The following HMOX2 variants were observed in gnomAD, a reference collection of about 807,000 sequenced individuals.
The protein encoded by HMOX2 is heme oxygenase (decycling) 2.
In HMOX2, 30 loss-of-function variants were observed where a neutral mutation model predicts 33.7. That is an observed-to-expected ratio of 0.89 (90% CI 0.67 to 1.21). The LOEUF is 1.21. Among genes scored for constraint, HMOX2 ranks in the 50% most tolerant of loss-of-function variants. HMOX2 has a pLI of 0.00. For missense variants in HMOX2, 403 were observed against 399.1 expected, an observed-to-expected ratio of 1.01 and a Z score of -0.08; for synonymous variants, 155 against 155.0, an observed-to-expected ratio of 1.00 and a Z score of 0.00.
At chr16:4,502,364 T>C (rs2058579966) in intron 1 of HMOX2, among the ~76,000 whole-genome samples, 1 of 152,228 alleles carries the variant, frequency 6.6e-6, no homozygotes, top group African/African-American at 2.4e-5. Context: ...TTGTGCAGCA[T>C]GATAAGTAGG....
intron 1 of HMOX2, among the ~76,000 whole-genome samples, chr16:4,499,637 T>C (rs1161670302): frequency 6.6e-6 from 1 of 152,210 alleles, no homozygotes; most frequent in African/African-American, 2.4e-5. Context: ...ATAATAGTAT[T>C]GTATACTTCA....
chr16:4,506,504 C>A (rs368313344), intron 2 of HMOX2, among the ~76,000 whole-genome samples: 1 of 152,166 alleles, frequency 6.6e-6, no homozygotes, highest in African/African-American at 2.4e-5. Context: ...CCAGAAGACA[C>A]GTTCCAAGGC....
intron 1 of HMOX2, among the ~76,000 whole-genome samples, chr16:4,488,461 T>G (rs2058228154): frequency 6.6e-6 from 1 of 152,210 alleles, no homozygotes; most frequent in South Asian, 2.1e-4. Context: ...TACACAGTTT[T>G]ACAGCAAACT....
chr16:4,494,828 A>G (rs762145210), intron 1 of HMOX2, among the ~76,000 whole-genome samples: 4 of 152,002 alleles, frequency 2.6e-5, no homozygotes, highest in East Asian at 1.9e-4. Flanking sequence ...GCAGTGAGCT[A>G]TGATCACACC....
intron 1 of HMOX2, among the ~76,000 whole-genome samples, chr16:4,503,469 G>C (rs1369307945): frequency 6.6e-6 from 1 of 152,220 alleles, no homozygotes; most frequent in Non-Finnish European, 1.5e-5. Context: ...TTGCAGAGTA[G>C]AGTGTCTCTG....
chr16:4,510,112 G>T lies in HMOX2; in HGVS notation c.*356G>T. On this transcript the variant is annotated 3_prime_UTR_variant, in exon 6 of 6. Transcript: ENST00000570646. ...CTCCCCTGTTGGAGGTGAGTGGCCT[G>T]TAAGTCCAAGCTGTGCGAGGGGGCC... 3.7e-6 allele frequency: 1 copy of T among 267,556 alleles called. No homozygotes were observed. Among genetic ancestry groups the T allele is most frequent in the Non-Finnish European group, 7.2e-6 (1 of 138,630 alleles). The allele number at this position is 267,556 out of a possible 1,614,324, so 16.6% of individuals were successfully genotyped here. A position where few individuals can be genotyped will look rare whatever the true frequency, so the allele number is the denominator to read the frequency against.
At chr16:4,477,676 T>A (rs536645458) in intron 1 of HMOX2, among the ~76,000 whole-genome samples, 45 of 151,900 alleles carry the variant, frequency 3.0e-4, no homozygotes, top group African/African-American at 8.2e-4. Flanking sequence ...CCCAGCACTT[T>A]GGGAGGCCGA....
At chr16:4,484,038 G>T (rs1326992095) in intron 1 of HMOX2, among the ~76,000 whole-genome samples, 4 of 141,768 alleles carry the variant, frequency 2.8e-5, no homozygotes, top group African/African-American at 8.0e-5. Context: ...GCAGTGGTGC[G>T]ATCTCGGCTC....
intron 1 of HMOX2, among the ~76,000 whole-genome samples, chr16:4,478,531 A>C (rs1007169848): frequency 2.0e-5 from 3 of 152,026 alleles, no homozygotes; most frequent in Non-Finnish European, 2.9e-5. Flanking sequence ...TGGGCGGATC[A>C]CCTGAGGTCG....
intron 4 of HMOX2, among the ~76,000 whole-genome samples, chr16:4,508,653 C>T (rs2058754984): frequency 6.6e-6 from 1 of 152,140 alleles, no homozygotes; most frequent in South Asian, 2.1e-4. Flanking sequence ...CTTACTCTGT[C>T]CCCAGGTCCT....
At chr16:4,493,712 C>A (rs1186113653) in intron 1 of HMOX2, among the ~76,000 whole-genome samples, 2 of 152,176 alleles carry the variant, frequency 1.3e-5, no homozygotes, top group African/African-American at 4.8e-5. Context: ...CTCTAGAGAT[C>A]ATTGTAAAAT....
Position 4,477,814 on chromosome 16 carries a change from G to C in HMOX2, c.-42+1327G>C, listed in dbSNP as rs147190110. Among the ~76,000 whole-genome samples, 438 of 152,174 alleles carry C rather than the reference G, an allele frequency of 2.9e-3. 3 individuals carry two copies. Among genetic ancestry groups the C allele is most frequent in the African/African-American group, 1.0e-2 (414 of 41,500 alleles). ...CGCGTGTCTGTAATCCCAGCTACTG[G>C]GGAGTTTGAGGTTGGAGGATCACTT... On this transcript the variant is annotated intron_variant, in intron 1 of 5. Transcript: ENST00000570646.
chr16:4,480,925 A>G (rs1318918743), intron 1 of HMOX2, among the ~76,000 whole-genome samples: 2 of 150,806 alleles, frequency 1.3e-5, no homozygotes, highest in East Asian at 2.0e-4. Context: ...AAGCATTGGG[A>G]TTACAGGCGT....
At chr16:4,485,294 G>T (rs1168695346) in intron 1 of HMOX2, among the ~76,000 whole-genome samples, 1 of 152,084 alleles carries the variant, frequency 6.6e-6, no homozygotes, top group Non-Finnish European at 1.5e-5. Context: ...ATCTGAGGTT[G>T]GTTGAATCCA....
upstream of HMOX2, chr16:4,474,821 A>T (rs2141479901): frequency 6.6e-6 from 1 of 152,386 alleles, no homozygotes; most frequent in East Asian, 1.9e-4. Context: ...TTACCTCTTT[A>T]TCTTGCATGA....
chr16:4,477,852 T>G (rs1377180436), intron 1 of HMOX2, among the ~76,000 whole-genome samples: 2 of 151,902 alleles, frequency 1.3e-5, no homozygotes, highest in Non-Finnish European at 2.9e-5. Context: ...GCCCACGAAG[T>G]GGAGATTGCA....
intron 1 of HMOX2, among the ~76,000 whole-genome samples, chr16:4,481,340 C>G (rs1166862170): frequency 8.3e-6 from 1 of 120,254 alleles, no homozygotes. Flanking sequence ...CAGAGCGAGA[C>G]TCCGTCTCAA....
chr16:4,508,135 G>A lies in HMOX2; in HGVS notation c.627G>A (p.Leu209=), dbSNP rs576222272. 3.8e-5 allele frequency: 61 copies of A among 1,614,086 alleles called. No individual in the cohort carries two copies. The Admixed American group carries it at 8.2e-4, about 22-fold the overall frequency. The change falls in exon 4 of 6, where the codon CTG becomes CTA. Residue 209 remains leucine (L), a synonymous_variant. Coordinates refer to ENST00000570646, the MANE Select transcript of HMOX2 (RefSeq NM_002134.4). ...KQLYRARMNA[L]DLNMKTKERI... ...TCTACCGGGCCAGGATGAACGCCCT[G>A]GACCTGAACATGAAGACCAAAGAGA...
At chr16:4,485,598 A>G (rs576901070) in intron 1 of HMOX2, among the ~76,000 whole-genome samples, 1 of 152,342 alleles carries the variant, frequency 6.6e-6, no homozygotes, top group Admixed American at 6.5e-5. Flanking sequence ...GAAGGAGGCC[A>G]AAGAAAGAAG....
Sources: allele counts gnomAD v4.1 joint callset (sites outside exome capture counted in the v4.1 genomes callset), GRCh38; gene constraint gnomAD v4.1.1; transcripts MANE v1.5; gene names NCBI Gene and HGNC (gene_info 2026-07-23, HGNC 2026-07-21).